CDH18: variants seen among roughly 807,000 people sequenced by gnomAD.
CDH18 encodes the protein cadherin 18.
CDH18 carries 31 observed loss-of-function variants against 67.9 expected under a neutral mutation model. The observed-to-expected ratio is 0.46, with a 90% CI of 0.34 to 0.62. The LOEUF is 0.62. CDH18 is among the 20% of genes least tolerant of loss of function. The pLI, the probability that CDH18 is intolerant of heterozygous loss-of-function variation, is 0.01. For missense variants in CDH18, 890 were observed against 975.5 expected (o/e 0.91, Z 1.17); for synonymous variants, 362 against 347.2 (o/e 1.04, Z -0.48).
chr5:20,484,778 A>C (rs1007212820), intron 1 of CDH18, among the ~76,000 whole-genome samples: 15 of 152,104 alleles, frequency 9.9e-5, no homozygotes, highest in African/African-American at 2.9e-4. Context: ...TAGAGAGTAG[A>C]ACGATGGTTA....
Position 20,266,225 on chromosome 5 carries a change from T to C in CDH18, c.-579-10720A>G, listed in dbSNP as rs181048732. ...CAATCCCTTGTAATAAATCTCTATC[T>C]ACCTAGCTTATTGGTTCTATTTCTT... On this transcript the variant is annotated intron_variant, in intron 1 of 14. Transcript: ENST00000507958. 4.6e-5 allele frequency among the ~76,000 whole-genome samples: 7 copies of C among 150,888 alleles called. No homozygotes were observed. In the East Asian group the frequency reaches 1.4e-3, roughly 29 times the overall value.
In CDH18 at chr5:19,960,545, ACG is replaced by A. The variant is rs1491529604; in HGVS notation, c.-257+20513_-257+20514del. Among the ~76,000 whole-genome samples, 251 of 113,762 alleles carry A rather than the reference ACG, an allele frequency of 2.2e-3. 2 individuals carry two copies. Among genetic ancestry groups the A allele is most frequent in the Middle Eastern group, 9.4e-3 (2 of 212 alleles). The allele number at this position is 113,762 out of a possible 152,430, so 74.6% of individuals were successfully genotyped here. A position where few individuals can be genotyped will look rare whatever the true frequency, so the allele number is the denominator to read the frequency against. On this transcript the variant is annotated intron_variant, in intron 2 of 12. Coordinates refer to ENST00000382275, the MANE Select transcript of CDH18 (RefSeq NM_004934.5). ...GGACCTGCCTGAGGATGTTTAATAT[ACG>A]TGTGTGTGTGTGTATGTGTGTGTGT... is the stretch of plus-strand genomic sequence containing the variant.
chr5:19,681,581 C>A (rs1760333654), intron 5 of CDH18, among the ~76,000 whole-genome samples: 1 of 151,820 alleles, frequency 6.6e-6, no homozygotes, highest in South Asian at 2.1e-4. Flanking sequence ...GAAATGCCAA[C>A]CAGGAAAATA....
chr5:19,670,749 C>T (rs1472375178), intron 5 of CDH18, among the ~76,000 whole-genome samples: 2 of 152,050 alleles, frequency 1.3e-5, no homozygotes, highest in Non-Finnish European at 2.9e-5. Context: ...AACTGGGGAA[C>T]ACTGCAGCAC....
At chr5:20,101,169 CCAGG>C (rs1474122162) in intron 2 of CDH18, among the ~76,000 whole-genome samples, 1 of 151,884 alleles carries the variant, frequency 6.6e-6, no homozygotes, top group Non-Finnish European at 1.5e-5. Context: ...ACTATATTGC[CCAGG>C]TTAGTCTGGA....
chr5:19,658,552 G>T (rs533012776), intron 5 of CDH18, among the ~76,000 whole-genome samples: 2 of 151,998 alleles, frequency 1.3e-5, no homozygotes, highest in African/African-American at 4.8e-5. Flanking sequence ...GGTAATTGTT[G>T]TTAATACTTT....
chr5:20,061,716 TGGAATG>T lies in CDH18; in HGVS notation c.-517-69708_-517-69703del, dbSNP rs1240776683. ...AAATATTAGCATTCAGTTAAAATAG[TGGAATG>T]ACTTATCCACATCCATCTTACAAAG... On this transcript the variant is annotated intron_variant, in intron 2 of 14. Transcript: ENST00000507958. 3.3e-5 allele frequency among the ~76,000 whole-genome samples: 5 copies of T among 152,344 alleles called. No homozygotes were observed. In the East Asian group the frequency reaches 9.7e-4, roughly 29 times the overall value.
At chr5:19,713,374 T>C (rs566653172) in intron 5 of CDH18, among the ~76,000 whole-genome samples, 1 of 152,256 alleles carries the variant, frequency 6.6e-6, no homozygotes, top group South Asian at 2.1e-4. Flanking sequence ...TCAATTGGTT[T>C]CCTTACTCTG....
intron 1 of CDH18, among the ~76,000 whole-genome samples, chr5:20,295,418 T>C (rs1305426857): frequency 2.0e-5 from 3 of 152,074 alleles, no homozygotes; most frequent in Non-Finnish European, 4.4e-5. Context: ...CTTTTCCAGA[T>C]GGTTATCAAT....
intron 1 of CDH18, among the ~76,000 whole-genome samples, chr5:20,505,823 GT>G (rs1414522910): frequency 3.9e-5 from 6 of 152,198 alleles, no homozygotes; most frequent in African/African-American, 1.2e-4. Context: ...CAATAATCAG[GT>G]TATCTGCCCT....
At chr5:20,249,001 A>T (rs2388309) in intron 2 of CDH18, among the ~76,000 whole-genome samples, 45,452 of 152,082 alleles carry the variant, frequency 0.3, 7,459 homozygotes, top group Non-Finnish European at 0.37. Flanking sequence ...ATGTAGTAAC[A>T]TAGGGAATAC....
At chr5:19,900,474 C>T (rs1405474927) in intron 2 of CDH18, among the ~76,000 whole-genome samples, 1 of 152,050 alleles carries the variant, frequency 6.6e-6, no homozygotes, top group Admixed American at 6.6e-5. Flanking sequence ...AACCCTGATT[C>T]GATCATTGCA....
At chr5:20,120,102 T>A (rs2126408487) in intron 2 of CDH18, among the ~76,000 whole-genome samples, 1 of 152,270 alleles carries the variant, frequency 6.6e-6, no homozygotes, top group Non-Finnish European at 1.5e-5. Context: ...AATGGGTTTC[T>A]ATTTCCTCTT....
At chr5:20,165,026 A>T (rs1337727291) in intron 2 of CDH18, among the ~76,000 whole-genome samples, 1 of 152,128 alleles carries the variant, frequency 6.6e-6, no homozygotes, top group Non-Finnish European at 1.5e-5. Flanking sequence ...CATCTTTTGA[A>T]CCAAAAGGAA....
chr5:19,666,831 T>C (rs1352666693), intron 5 of CDH18, among the ~76,000 whole-genome samples: 4 of 152,108 alleles, frequency 2.6e-5, no homozygotes, highest in East Asian at 1.9e-4. Context: ...TAATAACTTA[T>C]ACAAGCTATT....
At chr5:19,787,711 C>T (rs1775955856) in intron 3 of CDH18, among the ~76,000 whole-genome samples, 1 of 150,860 alleles carries the variant, frequency 6.6e-6, no homozygotes, top group South Asian at 2.1e-4. Context: ...AAACCAAGTA[C>T]AAAAGCAAAA....
At chr5:19,607,339 A>G (rs1485576376) in intron 6 of CDH18, among the ~76,000 whole-genome samples, 2 of 151,432 alleles carry the variant, frequency 1.3e-5, no homozygotes. Flanking sequence ...AGGACTGAAT[A>G]TATAAGATGA....
intron 3 of CDH18, among the ~76,000 whole-genome samples, chr5:19,825,424 C>T (rs1368801779): frequency 3.3e-5 from 5 of 152,126 alleles, no homozygotes; most frequent in Admixed American, 3.3e-4. Context: ...GCTTCCAGCC[C>T]AGTAGTCCCA....
chr5:20,275,907 A>G (rs1745774649), intron 1 of CDH18, among the ~76,000 whole-genome samples: 1 of 152,116 alleles, frequency 6.6e-6, no homozygotes, highest in Non-Finnish European at 1.5e-5. Flanking sequence ...GGGACTTTGC[A>G]TCAGAACTCA....
Sources: allele counts gnomAD v4.1 joint callset (sites outside exome capture counted in the v4.1 genomes callset), GRCh38; gene constraint gnomAD v4.1.1; transcripts MANE v1.5; gene names NCBI Gene and HGNC (gene_info 2026-07-23, HGNC 2026-07-21).